The following CACNA2D3 variants were observed in gnomAD, a reference collection of about 807,000 sequenced individuals.
CACNA2D3 encodes voltage-dependent calcium channel subunit alpha-2/delta-3.
CACNA2D3 carries 60 observed loss-of-function variants against 160.6 expected under a neutral mutation model. The observed-to-expected ratio is 0.37, with a 90% CI of 0.30 to 0.46. CACNA2D3 has a LOEUF of 0.46. Among genes scored for constraint, CACNA2D3 ranks in the 20% least tolerant of loss-of-function variants. The pLI is 1.00. For synonymous variants in CACNA2D3, 558 were observed against 492.9 expected (o/e 1.13, Z -1.75); for missense variants, 1,205 against 1,365.0 (o/e 0.88, Z 1.85).
At chr3:54,486,647 G>A (rs1390390003) in intron 4 of CACNA2D3, among the ~76,000 whole-genome samples, 1 of 152,170 alleles carries the variant, frequency 6.6e-6, no homozygotes, top group African/African-American at 2.4e-5. Context: ...TCTGTGTGGG[G>A]CAAGATGACC....
At chr3:54,741,467 T>C (rs1321965834) in intron 11 of CACNA2D3, among the ~76,000 whole-genome samples, 1 of 152,052 alleles carries the variant, frequency 6.6e-6, no homozygotes, top group African/African-American at 2.4e-5. Context: ...AAAGATCAAG[T>C]AACTTGCTGG....
intron 2 of CACNA2D3, among the ~76,000 whole-genome samples, chr3:54,279,461 CTG>C (rs1337475030): frequency 2.6e-5 from 4 of 152,158 alleles, no homozygotes; most frequent in African/African-American, 7.2e-5. Flanking sequence ...AGCTCCCTCT[CTG>C]TGTCTCTGGT....
intron 2 of CACNA2D3, among the ~76,000 whole-genome samples, chr3:54,295,270 GA>G (rs1703314753): frequency 6.6e-6 from 1 of 152,186 alleles, no homozygotes; most frequent in South Asian, 2.1e-4. Context: ...GGTAGGAGAT[GA>G]GGGAGTGTGG....
At chr3:55,025,728 G>A (rs1427719496) in intron 35 of CACNA2D3, among the ~76,000 whole-genome samples, 1 of 151,862 alleles carries the variant, frequency 6.6e-6, no homozygotes, top group Non-Finnish European at 1.5e-5. Context: ...TACCACGTTG[G>A]GTTGAAGACT....
chr3:54,713,477 A>G (rs1192789587), intron 11 of CACNA2D3, among the ~76,000 whole-genome samples: 2 of 152,224 alleles, frequency 1.3e-5, no homozygotes, highest in South Asian at 2.1e-4. Flanking sequence ...ATCACGTTGT[A>G]TAGCCTGTGT....
chr3:54,300,392 TGTTGG>T (rs1703446745), intron 2 of CACNA2D3, among the ~76,000 whole-genome samples: 1 of 152,244 alleles, frequency 6.6e-6, no homozygotes, highest in Non-Finnish European at 1.5e-5. Flanking sequence ...TTCCAGAGGA[TGTTGG>T]GTTGCATTGT....
At chr3:54,890,475 GAC>G (rs1472542342) in intron 24 of CACNA2D3, among the ~76,000 whole-genome samples, 1 of 124,644 alleles carries the variant, frequency 8.0e-6, no homozygotes, top group Non-Finnish European at 1.6e-5. Context: ...CAGCCTGGGT[GAC>G]AGAGCCAGAC....
intron 2 of CACNA2D3, among the ~76,000 whole-genome samples, chr3:54,149,858 CAGAG>C (rs968045926): frequency 1.4e-5 from 2 of 142,262 alleles, no homozygotes; most frequent in Non-Finnish European, 3.0e-5. Context: ...ATTTTAGTAA[CAGAG>C]AGGGCTGTCC....
chr3:54,674,039 G>A (rs892609079), intron 11 of CACNA2D3, among the ~76,000 whole-genome samples: 1 of 152,214 alleles, frequency 6.6e-6, no homozygotes, highest in African/African-American at 2.4e-5. Context: ...GGTTTCTGTT[G>A]ATTTCTCATT....
At chr3:54,814,081 CTG>C (rs773873149) in intron 13 of CACNA2D3, among the ~76,000 whole-genome samples, 26 of 152,090 alleles carry the variant, frequency 1.7e-4, no homozygotes, top group Admixed American at 7.2e-4. Context: ...GTTGCCCAGG[CTG>C]GTCTCAAACT....
At chr3:54,889,745 T>C (rs1001497879) in intron 24 of CACNA2D3, among the ~76,000 whole-genome samples, 1 of 152,214 alleles carries the variant, frequency 6.6e-6, no homozygotes, top group African/African-American at 2.4e-5. Context: ...TTTGAACTGC[T>C]TGCCTTCATG....
intron 4 of CACNA2D3, among the ~76,000 whole-genome samples, chr3:54,475,729 A>T (rs1700816959): frequency 6.6e-6 from 1 of 152,168 alleles, no homozygotes; most frequent in Non-Finnish European, 1.5e-5. Context: ...AACATTGTAT[A>T]TATTTAAGGT....
At chr3:54,425,779 A>G (rs1699903940) in intron 4 of CACNA2D3, among the ~76,000 whole-genome samples, 1 of 152,238 alleles carries the variant, frequency 6.6e-6, no homozygotes, top group Non-Finnish European at 1.5e-5. Flanking sequence ...CCCTAAGGCT[A>G]GAGAAGGGAT....
At chr3:54,600,906 C>A (rs562699956) in intron 9 of CACNA2D3, among the ~76,000 whole-genome samples, 35 of 152,100 alleles carry the variant, frequency 2.3e-4, no homozygotes, top group African/African-American at 8.2e-4. Context: ...GTTGCCCAGA[C>A]ATTTCTTCAA....
In CACNA2D3 at chr3:54,426,576, G is replaced by A. The variant is rs758486742; in HGVS notation, c.381+39802G>A. 1.6e-4 allele frequency among the ~76,000 whole-genome samples: 24 copies of A among 152,196 alleles called. 1 individual carries two copies. The highest frequency in any genetic ancestry group is 2.8e-4 in the Non-Finnish European group (19 of 68,036). ...CTTCCCTGGCAATATTAATGATAGT[G>A]TTTCAGCATTCCTGACTGGCTCTGT... On this transcript the variant is annotated intron_variant, in intron 4 of 37. Coordinates refer to ENST00000474759, the MANE Select transcript of CACNA2D3 (RefSeq NM_018398.3).
At chr3:54,980,654 C>G (rs1302200599) in intron 29 of CACNA2D3, among the ~76,000 whole-genome samples, 1 of 152,182 alleles carries the variant, frequency 6.6e-6, no homozygotes, top group Non-Finnish European at 1.5e-5. Context: ...GCCTAGGACA[C>G]CATAAGGTCT....
At chr3:54,703,127 A>G (rs1322523018) in intron 11 of CACNA2D3, among the ~76,000 whole-genome samples, 1 of 152,148 alleles carries the variant, frequency 6.6e-6, no homozygotes, top group Non-Finnish European at 1.5e-5. Context: ...TCCACCTGGT[A>G]TTGTGCTCAC....
At chr3:54,994,379 C>T (rs924350698) in intron 31 of CACNA2D3, among the ~76,000 whole-genome samples, 2 of 152,174 alleles carry the variant, frequency 1.3e-5, no homozygotes, top group African/African-American at 4.8e-5. Context: ...AGTGTAATGG[C>T]TTCGTGGCTT....
chr3:55,028,602 A>G (rs1308733698), intron 35 of CACNA2D3, among the ~76,000 whole-genome samples: 2 of 152,216 alleles, frequency 1.3e-5, no homozygotes, highest in East Asian at 3.8e-4. Context: ...AGAGATTCAC[A>G]AAGACTTGCT....
Sources: gnomAD v4.1 joint callset for allele counts (sites outside exome capture counted in the v4.1 genomes callset) on GRCh38, gnomAD v4.1.1 for gene constraint, MANE v1.5 for transcripts, NCBI Gene and HGNC (gene_info 2026-07-23, HGNC 2026-07-21) for gene names.